The following GNAO1 variants were observed in gnomAD, a reference collection of about 807,000 sequenced individuals.
The protein encoded by GNAO1 is G protein subunit alpha o1.
For synonymous variants in GNAO1, 164 were observed against 180.7 expected, an observed-to-expected ratio of 0.91 and a Z score of 0.74; for missense variants, 166 against 478.7, an observed-to-expected ratio of 0.35 and a Z score of 6.10.
At chr16:56,209,001 A>G (rs1278392005) in intron 2 of GNAO1, among the ~76,000 whole-genome samples, 9 of 151,652 alleles carry the variant, frequency 5.9e-5, no homozygotes, top group African/African-American at 2.2e-4. Context: ...TCATTCTTTC[A>G]GTCTCCCTCT....
At chr16:56,291,978 G>T (rs1423833057) in intron 3 of GNAO1, among the ~76,000 whole-genome samples, 1 of 152,186 alleles carries the variant, frequency 6.6e-6, no homozygotes, top group African/African-American at 2.4e-5. Context: ...TTTTGAGCAC[G>T]CGAATTGTGG....
At chr16:56,291,780 C>G (rs2037235155) in intron 3 of GNAO1, among the ~76,000 whole-genome samples, 1 of 152,182 alleles carries the variant, frequency 6.6e-6, no homozygotes, top group Non-Finnish European at 1.5e-5. Flanking sequence ...GATTTGCTGT[C>G]TGGTAAGGGT....
At chr16:56,348,865 AGGTTT>A (rs2037897123) in intron 6 of GNAO1, among the ~76,000 whole-genome samples, 3 of 151,864 alleles carry the variant, frequency 2.0e-5, no homozygotes, top group African/African-American at 7.3e-5. Context: ...CCATAAAACC[AGGTTT>A]GGTTATGCCT....
intron 3 of GNAO1, among the ~76,000 whole-genome samples, chr16:56,286,897 G>A (rs1233649973): frequency 6.6e-6 from 1 of 152,208 alleles, no homozygotes; most frequent in Non-Finnish European, 1.5e-5. Context: ...ATGGGTGCTG[G>A]GGAGGCCACC....
At chr16:56,296,261 G>T (rs926286478) in intron 3 of GNAO1, among the ~76,000 whole-genome samples, 1 of 152,184 alleles carries the variant, frequency 6.6e-6, no homozygotes, top group Non-Finnish European at 1.5e-5. Flanking sequence ...GTGTTGTGTT[G>T]TGGGTTTTTT....
intron 2 of GNAO1, among the ~76,000 whole-genome samples, chr16:56,247,937 T>C (rs1466759233): frequency 6.6e-6 from 1 of 152,210 alleles, no homozygotes; most frequent in African/African-American, 2.4e-5. Context: ...ATACTGAATG[T>C]GCATTCTCAC....
chr16:56,317,126 G>T lies in GNAO1; in HGVS notation c.304-11505G>T, dbSNP rs550750043. Among the ~76,000 whole-genome samples, 4 of 152,340 alleles carry T rather than the reference G, an allele frequency of 2.6e-5. No individual in the cohort carries two copies. In the South Asian group the frequency reaches 8.3e-4, roughly 32 times the overall value. On this transcript the variant is annotated intron_variant, in intron 3 of 8. Coordinates refer to ENST00000262493, the MANE Select transcript of GNAO1 (RefSeq NM_020988.3). The stretch of plus-strand genomic sequence containing the variant: ...AGAAAGTTAGGATCAAAAAACCCAA[G>T]CCTTCTTTACTCCACAGGAGACATC...
chr16:56,304,602 T>C (rs1463760147), intron 3 of GNAO1, among the ~76,000 whole-genome samples: 1 of 152,222 alleles, frequency 6.6e-6, no homozygotes, highest in Non-Finnish European at 1.5e-5. Context: ...ACTTTTTTTT[T>C]AATGTGGGCA....
At chr16:56,345,224 G>T (rs1305775542) in intron 6 of GNAO1, 3 of 985,576 alleles carry the variant, frequency 3.0e-6, no homozygotes, top group African/African-American at 1.7e-5. Flanking sequence ...GCCTCCAGGT[G>T]GCTGAGGCCA....
chr16:56,245,032 C>T (rs1314318850), intron 2 of GNAO1, among the ~76,000 whole-genome samples: 1 of 152,182 alleles, frequency 6.6e-6, no homozygotes, highest in African/African-American at 2.4e-5. Flanking sequence ...TTCACTAAAA[C>T]ATTTTCCACT....
intron 3 of GNAO1, among the ~76,000 whole-genome samples, chr16:56,283,291 C>G (rs1466906377): frequency 6.6e-6 from 1 of 152,174 alleles, no homozygotes; most frequent in African/African-American, 2.4e-5. Flanking sequence ...ACAGGGGGCT[C>G]CCTGCTCTAT....
intron 2 of GNAO1, among the ~76,000 whole-genome samples, chr16:56,213,833 CA>C (rs35086490): frequency 0.14 from 21,212 of 150,614 alleles, 1,990 homozygotes; most frequent in African/African-American, 0.26. Flanking sequence ...TCTGGAGTCA[CA>C]AAAAAAAACT....
intron 4 of GNAO1, among the ~76,000 whole-genome samples, chr16:56,333,752 G>A (rs2037714303): frequency 6.6e-6 from 1 of 152,260 alleles, no homozygotes; most frequent in Non-Finnish European, 1.5e-5. Context: ...GCCCCCAGCA[G>A]GTCCTGGAGC....
intron 6 of GNAO1, chr16:56,347,931 G>A (rs1474461043): frequency 2.2e-6 from 2 of 920,334 alleles, no homozygotes; most frequent in Non-Finnish European, 2.6e-6. Flanking sequence ...TGCCCCTGCT[G>A]AGTATCTTCT....
chr16:56,198,120 A>G (rs1270676744), intron 2 of GNAO1, among the ~76,000 whole-genome samples: 3 of 152,176 alleles, frequency 2.0e-5, no homozygotes, highest in Admixed American at 2.0e-4. Flanking sequence ...AATAGAGAAA[A>G]CTTTTGATTC....
chr16:56,198,795 T>C (rs1313380199), intron 2 of GNAO1, among the ~76,000 whole-genome samples: 2 of 152,240 alleles, frequency 1.3e-5, no homozygotes, highest in Non-Finnish European at 2.9e-5. Flanking sequence ...CAAGTAAGTA[T>C]GTGGGACTTA....
chr16:56,204,608 C>G (rs2036308916), intron 2 of GNAO1, among the ~76,000 whole-genome samples: 1 of 152,140 alleles, frequency 6.6e-6, no homozygotes. Flanking sequence ...TTCAGGAATT[C>G]TGGGTGGCGA....
At chr16:56,225,144 T>G (rs1318543979) in intron 2 of GNAO1, among the ~76,000 whole-genome samples, 6 of 152,210 alleles carry the variant, frequency 3.9e-5, no homozygotes. Context: ...AGCCATTATA[T>G]CTCTGTAGAG....
Position 56,346,077 on chromosome 16 carries a change from G to T in GNAO1, c.724-5307G>T, listed in dbSNP as rs537958668. On this transcript the variant is annotated intron_variant, in intron 6 of 8. Transcript: ENST00000262493. ...CCTTCCTGCCCTCCATCCCCAGCCT[G>T]CCTTTCTCTTCCTTTGGATGCTCCA... 12 of 985,622 alleles carry T rather than the reference G, an allele frequency of 1.2e-5. No homozygotes were observed. In the African/African-American group the frequency reaches 1.9e-4, roughly 16 times the overall value. The allele number at this position is 985,622 out of a possible 1,614,324, so 61.1% of individuals were successfully genotyped here.
Sources: allele counts gnomAD v4.1 joint callset (sites outside exome capture counted in the v4.1 genomes callset), GRCh38; gene constraint gnomAD v4.1.1; transcripts MANE v1.5; gene names NCBI Gene and HGNC (gene_info 2026-07-23, HGNC 2026-07-21).